Variants in POLD1 observed in about 807,000 individuals in gnomAD.
POLD1 encodes DNA polymerase delta 1, catalytic subunit, also known as DNA polymerase delta catalytic subunit.
POLD1 carries 79 observed loss-of-function variants against 129.7 expected under a neutral mutation model. That is an observed-to-expected ratio of 0.61 (90% confidence interval 0.51 to 0.73). The LOEUF is 0.73. POLD1 is among the 30% of genes least tolerant of loss of function. The probability of loss-of-function intolerance (pLI) is 0.00; values close to 1 mark genes in which losing one functional copy is unlikely to be tolerated. For missense variants in POLD1, 1,338 were observed against 1,595.8 expected (o/e 0.84, Z 2.75); for synonymous variants, 714 against 683.3 (o/e 1.04, Z -0.70).
In POLD1 at chr19:50,408,824, G is replaced by A. The variant is rs767011677; in HGVS notation, c.1815G>A (p.Ser605=). The change falls in exon 15 of 27, where the codon TCG becomes TCA. Residue 605 remains serine (S), a synonymous_variant. Transcript: ENST00000440232. The part of the protein sequence containing the change: ...DVPIATLDFS[S]LYPSIMMAHN... ...CCATCGCCACCCTGGACTTCTCCTC[G>A]CTGTACCCGTCCATCATGATGGCCC... 29 of 1,613,840 alleles carry A rather than the reference G, an allele frequency of 1.8e-5. No individual in the cohort carries two copies. The highest frequency in any genetic ancestry group is 2.0e-5 in the Non-Finnish European group (24 of 1,179,986).
intron 1 of POLD1, chr19:50,395,289 G>A (rs1192725709): frequency 6.7e-6 from 1 of 150,148 alleles, no homozygotes; most frequent in Non-Finnish European, 1.5e-5. Flanking sequence ...AAATTAACAG[G>A]AAGGTTGAAA....
rs3219425 is a variant in POLD1 at position 50,413,905 on chromosome 19, C to T, written c.2388+26C>T. 5.3e-5 allele frequency: 83 copies of T among 1,562,708 alleles called. 1 individual carries two copies. The East Asian group carries it at 1.3e-3, about 24-fold the overall frequency. ...GTGCGTGGCTGGGTCAGGGGCTCTG[C>T]ATTTAGGTGCCCTCATCAGGGTACT... On this transcript the variant is annotated intron_variant, in intron 19 of 26. Coordinates refer to ENST00000440232, the MANE Select transcript of POLD1 (RefSeq NM_002691.4).
intron 1 of POLD1, among the ~76,000 whole-genome samples, chr19:50,390,780 TA>T (rs1410370858): frequency 5.3e-5 from 8 of 152,050 alleles, no homozygotes; most frequent in Admixed American, 4.6e-4. Flanking sequence ...TGATGACTCT[TA>T]AGGAGCATGC....
rs755816429 is a variant in POLD1, at chr19:50,406,343, G to C, written c.1383+21G>C. ...TGCAGGTATGGGCGGGAGGTGGGGT[G>C]TGTCCCTGTCCTTGGAAGGCCACTG... is the stretch of plus-strand genomic sequence containing the variant. On this transcript the variant is annotated intron_variant, in intron 11 of 26. Coordinates refer to ENST00000440232, the MANE Select transcript of POLD1 (RefSeq NM_002691.4). The surrounding 1 kb of genome is among the most constrained non-coding windows in gnomAD (Gnocchi z 5.5). 6.2e-7 allele frequency: 1 copy of C among 1,613,190 alleles called. No individual in the cohort carries two copies. The highest frequency in any genetic ancestry group is 8.5e-7 in the Non-Finnish European group (1 of 1,179,456).
In POLD1 at chr19:50,409,992, C is replaced by T. The variant is rs986958435; in HGVS notation, c.2154+326C>T. 6.6e-6 allele frequency among the ~76,000 whole-genome samples: 1 copy of T among 152,166 alleles called. No individual in the cohort carries two copies. The highest frequency in any genetic ancestry group is 1.9e-4 in the East Asian group (1 of 5,188). On this transcript the variant is annotated intron_variant, in intron 17 of 26. Coordinates refer to ENST00000440232, the MANE Select transcript of POLD1 (RefSeq NM_002691.4). The surrounding 1 kb of genome is among the most constrained non-coding windows in gnomAD (Gnocchi z 5.8). ...GTAAACGTGTTTAGGACACAAGTGG[C>T]GCTACGAGCTTTGCAGCCGGATAAA...
chr19:50,401,416 C>CT (rs1568618203), intron 3 of POLD1, among the ~76,000 whole-genome samples: 2 of 67,368 alleles, frequency 3.0e-5, no homozygotes, highest in South Asian at 4.4e-4. Context: ...TTTTTTTTTT[C>CT]TTTTTTTTGA....
chr19:50,408,528 G>T (rs1376987648), intron 14 of POLD1, among the ~76,000 whole-genome samples: 1 of 151,812 alleles, frequency 6.6e-6, no homozygotes. Flanking sequence ...CCACAGGCGT[G>T]CACCACCACA....
At position 50,417,952 on chromosome 19, in the gene POLD1, G is replaced by A. The variant is rs1471548394; in HGVS notation, c.*5G>A. 1 of 1,586,220 alleles carries A rather than the reference G, an allele frequency of 6.3e-7. No homozygotes were observed. The highest frequency in any genetic ancestry group is 2.2e-5 in the East Asian group (1 of 44,568). The stretch of plus-strand genomic sequence containing the variant: ...CCTGGACCTGAGGCCTGGTGACCTT[G>A]CAAGCATCCCATGGGGCGGGGGCGG... On this transcript the variant is annotated 3_prime_UTR_variant, in exon 27 of 27. Coordinates refer to ENST00000440232, the MANE Select transcript of POLD1 (RefSeq NM_002691.4).
chr19:50,397,018 C>A (rs1012874538), intron 1 of POLD1, among the ~76,000 whole-genome samples: 6 of 146,194 alleles, frequency 4.1e-5, no homozygotes, highest in Non-Finnish European at 7.5e-5. Context: ...TCTCTTGAAT[C>A]TGGGAGGCGG....
chr19:50,385,781 G>A (rs1177256815), intron 1 of POLD1, among the ~76,000 whole-genome samples: 1 of 151,900 alleles, frequency 6.6e-6, no homozygotes, highest in Non-Finnish European at 1.5e-5. Context: ...CACTTGCCTC[G>A]GCCTCCCAAA....
At chr19:50,402,869 C>A in intron 8 of POLD1, 128 bp downstream of exon 8, 1 of 1,375,090 alleles carries the variant, frequency 7.3e-7, no homozygotes, top group Non-Finnish European at 9.9e-7. Flanking sequence ...GCCCATGTGG[C>A]CAGATGGAGT....
In POLD1 at chr19:50,413,902, C is replaced by T. The variant is rs751601461; in HGVS notation, c.2388+23C>T. 3 of 1,570,030 alleles carry T rather than the reference C, an allele frequency of 1.9e-6. No individual in the cohort carries two copies. The East Asian group carries it at 6.7e-5, about 35-fold the overall frequency. On this transcript the variant is annotated intron_variant, in intron 19 of 26. Coordinates refer to ENST00000440232, the MANE Select transcript of POLD1 (RefSeq NM_002691.4). ...AAGGTGCGTGGCTGGGTCAGGGGCT[C>T]TGCATTTAGGTGCCCTCATCAGGGT...
intron 20 of POLD1, 30 bp from the exon 21 acceptor site, chr19:50,415,408 G>T (rs1267613031): frequency 6.3e-7 from 1 of 1,596,220 alleles, no homozygotes; most frequent in Admixed American, 1.7e-5. Flanking sequence ...AGTGCCTTTT[G>T]GTGACGCTGT....
chr19:50,401,793 T>C lies in POLD1; in HGVS notation c.332T>C (p.Val111Ala), dbSNP rs1060501800. ...GACCCCACAGGCCCAGCGCAGCCTG[T>C]GCCTGGGGGGCCCCCACCATCCCGC... ...IDHYVGPAQP[V>A]PGGPPPSRGS... Residue 111 changes from valine (V) to alanine (A), a missense_variant, in exon 4 of 27, where the codon GTG (valine) becomes GCG (alanine). By Grantham distance (64) the Val-to-Ala change is moderately conservative. Around this residue, in one of 3 missense-constraint regions of POLD1, gnomAD observed 332 missense variants for 315.7 expected, o/e 1.05. Transcript: ENST00000440232. 5 of 1,612,818 alleles carry C rather than the reference T, an allele frequency of 3.1e-6. No homozygotes were observed. The highest frequency in any genetic ancestry group is 4.2e-6 in the Non-Finnish European group (5 of 1,179,832).
chr19:50,402,423 C>T (rs758286197), intron 6 of POLD1, 31 bp from the exon 7 acceptor site: 14 of 1,612,750 alleles, frequency 8.7e-6, no homozygotes, highest in Non-Finnish European at 1.0e-5. Context: ...CCTCGGGCAG[C>T]CCCTGTCCAC....
At position 50,406,862 on chromosome 19, in the gene POLD1, C is replaced by T. The variant is rs2038904583; in HGVS notation, c.1495-121C>T. 5 of 809,890 alleles carry T rather than the reference C, an allele frequency of 6.2e-6. No homozygotes were observed. The highest frequency in any genetic ancestry group is 9.8e-6 in the Non-Finnish European group (5 of 511,866). The allele number at this position is 809,890 out of a possible 1,614,324, so 50.2% of individuals were successfully genotyped here. ...AGACCCTGACGACTTGGAGGGCCCTCCTGCCCGCCTCACCTCCCAGGCCCT... is the reference window on the plus strand; with the variant it reads ...AGACCCTGACGACTTGGAGGGCCCTTCTGCCCGCCTCACCTCCCAGGCCCT... On this transcript the variant is annotated intron_variant, in intron 12 of 26. Coordinates refer to ENST00000440232, the MANE Select transcript of POLD1 (RefSeq NM_002691.4). This position sits in a 1 kb window ranked among gnomAD's most constrained non-coding sequence, Gnocchi z 5.5.
rs768087179 is a variant in POLD1 at position 50,406,948 on chromosome 19, C to T, written c.1495-35C>T. ...TCCTGCTCCACCTCCCACCCCCAAC[C>T]CCTGGTCCCTGACCCCATCCGTGCC... is the stretch of plus-strand genomic sequence containing the variant. On this transcript the variant is annotated intron_variant, in intron 12 of 26. Transcript: ENST00000440232. This position sits in a 1 kb window ranked among gnomAD's most constrained non-coding sequence, Gnocchi z 5.5. The T allele has an allele frequency of 1.3e-6, 2 of 1,524,590 alleles. No individual in the cohort carries two copies. Among genetic ancestry groups the T allele is most frequent in the African/African-American group, 1.4e-5 (1 of 73,148 alleles). The allele number at this position is 1,524,590 out of a possible 1,614,324, so 94.4% of individuals were successfully genotyped here. A position where few individuals can be genotyped will look rare whatever the true frequency, so the allele number is the denominator to read the frequency against.
Position 50,398,928 on chromosome 19 carries a change from A to G in POLD1, c.77A>G (p.Asp26Gly), listed in dbSNP as rs760939854. 11 of 1,596,974 alleles carry G rather than the reference A, an allele frequency of 6.9e-6. No individual in the cohort carries two copies. Among genetic ancestry groups the G allele is most frequent in the Non-Finnish European group, 9.4e-6 (11 of 1,173,108 alleles). The part of the protein sequence containing the change: ...KRARGGLWDD[D>G]DAPRPSQFEE... ...GCCCGTGGGGGCCTCTGGGATGATG[A>G]TGATGCACCTCGGCCATCCCAATTC... The change falls in exon 2 of 27, where the codon GAT becomes GGT. Residue 26 changes from aspartate to glycine, a missense_variant. Asp to Gly is a moderately conservative substitution (Grantham distance 94, BLOSUM62 -1). Transcript: ENST00000440232.
chr19:50,412,936 T>G (rs2078692752), intron 17 of POLD1, among the ~76,000 whole-genome samples: 1 of 152,124 alleles, frequency 6.6e-6, no homozygotes, highest in African/African-American at 2.4e-5. Flanking sequence ...AATAAGACAG[T>G]GGGTTTCTCA....
Sources: gnomAD v4.1 joint callset for allele counts (sites outside exome capture counted in the v4.1 genomes callset) on GRCh38, gnomAD v4.1.1 for gene constraint, gnomAD v4.1.1 regional missense constraint, Gnocchi (gnomAD v3.1) non-coding constraint, MANE v1.5 for transcripts, NCBI Gene and HGNC (gene_info 2026-07-23, HGNC 2026-07-21) for gene names.